MMP28: variants seen among roughly 807,000 people sequenced by gnomAD.
MMP28 encodes the protein matrix metalloproteinase-28.
MMP28 carries 55 observed loss-of-function variants against 60.5 expected under a neutral mutation model. The observed-to-expected ratio is 0.91, with a 90% CI of 0.73 to 1.14. The LOEUF (loss-of-function observed/expected upper bound fraction) is 1.14. Among genes scored for constraint, MMP28 ranks in the 50% most tolerant of loss-of-function variants. The pLI, the probability that MMP28 is intolerant of heterozygous loss-of-function variation, is 0.00. For synonymous variants in MMP28, 318 were observed against 312.5 expected (o/e 1.02, Z -0.18); for missense variants, 686 against 738.3 (o/e 0.93, Z 0.82).
chr17:35,766,768 A>G lies in MMP28; in HGVS notation c.1295T>C (p.Leu432Pro). 6.3e-7 allele frequency: 1 copy of G among 1,579,656 alleles called. No individual in the cohort carries two copies. The highest frequency in any genetic ancestry group is 1.7e-4 in the Middle Eastern group (1 of 5,950). The change falls in exon 8 of 8, where the codon CTC (leucine) becomes CCC (proline). Residue 432 changes from leucine (L) to proline (P), a missense_variant. Physicochemically the swap from Leu to Pro is moderately conservative, Grantham distance 98. Transcript: ENST00000605424. This position sits in a 1 kb window ranked among gnomAD's most constrained non-coding sequence, Gnocchi z 4.3. ...CACGTAGTAGCGGGCACCCTTGAAG[A>G]GGATGAGGCGGCGCAGAGGAGGGAA... ...LFFPPLRRLI[L>P]FKGARYYVLA...
intron 4 of MMP28, among the ~76,000 whole-genome samples, chr17:35,772,440 G>A (rs1263034312): frequency 6.6e-6 from 1 of 152,218 alleles, no homozygotes; most frequent in African/African-American, 2.4e-5. Flanking sequence ...GGTCTCAGCA[G>A]TAGGGCCTGG....
intron 1 of MMP28, among the ~76,000 whole-genome samples, chr17:35,781,703 C>G (rs1555609421): frequency 2.6e-5 from 4 of 152,132 alleles, no homozygotes; most frequent in Non-Finnish European, 4.4e-5. Flanking sequence ...AGAATGTTGC[C>G]TCAGCTGCAT....
In MMP28 at chr17:35,773,361, GT is replaced by G. The variant is rs2086227013; in HGVS notation, c.422del (p.Asn141ThrfsTer86). 1.9e-6 allele frequency: 3 copies of G among 1,611,054 alleles called. No individual in the cohort carries two copies. Among genetic ancestry groups the G allele is most frequent in the Non-Finnish European group, 2.5e-6 (3 of 1,178,690 alleles). On this transcript the variant is annotated frameshift_variant, in exon 4 of 8. Transcript: ENST00000605424. LOFTEE classifies it high-confidence loss of function. ...YKQHLSYRLV[N>X]WPEHLPEPAV... is the part of the protein sequence containing the mutation. ...CCGGCTCCGGCAGATGCTCAGGCCAGTTCACCAGGCGGTAGGAGAGGTGCTG... is the reference window on the plus strand; with the variant it reads ...CCGGCTCCGGCAGATGCTCAGGCCAGTCACCAGGCGGTAGGAGAGGTGCTG...
chr17:35,767,812 G>A lies in MMP28; in HGVS notation c.1108C>T (p.Pro370Ser), dbSNP rs1555604039. Reference protein sequence around the residue: ...RPLQERWVGLPPNIEAAAVSL... With the variant: ...RPLQERWVGLSPNIEAAAVSL... ...ACTGCCGCAGCCTCAATGTTGGGGG[G>A]CAGCCCGACCCATCTTTCCTGCAGT... The change falls in exon 7 of 8, where the codon CCC becomes TCC. Residue 370 changes from proline (P) to serine (S), a missense_variant. Physicochemically the swap from Pro to Ser is moderately conservative, Grantham distance 74. Coordinates refer to ENST00000605424, the MANE Select transcript of MMP28 (RefSeq NM_024302.5). 4 of 1,605,490 alleles carry A rather than the reference G, an allele frequency of 2.5e-6. No homozygotes were observed. Among genetic ancestry groups the A allele is most frequent in the Non-Finnish European group, 3.4e-6 (4 of 1,176,182 alleles).
chr17:35,786,562 T>C (rs1555610525), intron 1 of MMP28, among the ~76,000 whole-genome samples: 1 of 152,112 alleles, frequency 6.6e-6, no homozygotes, highest in Non-Finnish European at 1.5e-5. Context: ...TTTGGCATTA[T>C]TAGCCAAGTC....
chr17:35,769,951 G>T, intron 5 of MMP28, 116 bp downstream of exon 5: 1 of 1,339,276 alleles, frequency 7.5e-7, no homozygotes. Flanking sequence ...CGGCGACAGG[G>T]AGGCCAGATC....
chr17:35,792,513 G>T (rs2086842951), intron 1 of MMP28, among the ~76,000 whole-genome samples: 1 of 152,194 alleles, frequency 6.6e-6, no homozygotes, highest in Non-Finnish European at 1.5e-5. Flanking sequence ...GCACTGATGT[G>T]CCCTATTTGA....
intron 1 of MMP28, among the ~76,000 whole-genome samples, chr17:35,793,931 TTACTA>T (rs1290947787): frequency 6.6e-6 from 1 of 152,070 alleles, no homozygotes; most frequent in African/African-American, 2.4e-5. Flanking sequence ...AACCCCGTCT[TTACTA>T]AAAATACAAA....
intron 2 of MMP28, chr17:35,760,844 A>ATCTCTAT (rs1249947710): frequency 8.3e-6 from 12 of 1,450,936 alleles, no homozygotes; most frequent in Admixed American, 1.8e-5. Flanking sequence ...TTGTGACCTA[A>ATCTCTAT]TAGAGGCCCT....
At chr17:35,787,320 A>G (rs1304513018) in intron 1 of MMP28, among the ~76,000 whole-genome samples, 1 of 152,222 alleles carries the variant, frequency 6.6e-6, no homozygotes, top group Non-Finnish European at 1.5e-5. Flanking sequence ...AACATCTGCT[A>G]CCAGAATGCT....
intron 2 of MMP28, among the ~76,000 whole-genome samples, chr17:35,760,032 G>A (rs2085789131): frequency 6.6e-6 from 1 of 152,132 alleles, no homozygotes; most frequent in Non-Finnish European, 1.5e-5. Context: ...TGGGGGCCAG[G>A]TCTGCTCTCT....
intron 1 of MMP28, among the ~76,000 whole-genome samples, chr17:35,790,930 A>C (rs909199540): frequency 6.7e-6 from 1 of 149,724 alleles, no homozygotes; most frequent in African/African-American, 2.5e-5. Context: ...GGGTCTCTCT[A>C]TGTTGCCCAG....
At chr17:35,762,981 G>A (rs1179303650), downstream of MMP28, among the ~76,000 whole-genome samples, 2 of 152,064 alleles carry the variant, frequency 1.3e-5, no homozygotes, top group African/African-American at 4.8e-5. Context: ...AATTAGCTGG[G>A]CGTGGTGGCG....
At chr17:35,787,301 G>A (rs1341946239) in intron 1 of MMP28, among the ~76,000 whole-genome samples, 3 of 152,184 alleles carry the variant, frequency 2.0e-5, no homozygotes, top group South Asian at 2.1e-4. Flanking sequence ...ATGTTCCTGC[G>A]TAAAGATAAA....
At chr17:35,761,025 C>T, downstream of MMP28, 1 of 1,518,616 alleles carries the variant, frequency 6.6e-7, no homozygotes, top group Non-Finnish European at 8.9e-7. Context: ...CAATCCAGCC[C>T]ATCACCATGA....
At chr17:35,757,802 G>T (rs74910709) in intron 2 of MMP28, among the ~76,000 whole-genome samples, 3,257 of 152,098 alleles carry the variant, frequency 0.021, 74 homozygotes, top group East Asian at 0.13. Flanking sequence ...AGAGATGGGG[G>T]TCTTGCTATG....
intron 1 of MMP28, among the ~76,000 whole-genome samples, chr17:35,787,457 CTTCT>C (rs1402734152): frequency 3.3e-5 from 5 of 151,870 alleles, no homozygotes; most frequent in African/African-American, 4.8e-5. Flanking sequence ...TCTTTTTCTC[CTTCT>C]TTCTTTTGTC....
rs760538429 is a variant in MMP28 at position 35,766,519 on chromosome 17, G to A, written c.1544C>T (p.Ser515Leu). The A allele has an allele frequency of 1.8e-5, 29 of 1,596,272 alleles. 1 individual carries two copies. In the Admixed American group the frequency reaches 1.8e-4, roughly 10 times the overall value. ...GTGCCTTCAGAACAGGGCGCTCCCC[G>A]AGTTGGCATGCCAGCAGCCCATCCA... The part of the protein sequence containing the change: ...LPWMGCWHAN[S>L]GSALF Residue 515 changes from serine (S) to leucine (L), a missense_variant, in exon 8 of 8, where the codon TCG becomes TTG. By Grantham distance (145) the Ser-to-Leu change is moderately radical. Transcript: ENST00000605424. The surrounding 1 kb of genome is among the most constrained non-coding windows in gnomAD (Gnocchi z 4.3).
In MMP28 at chr17:35,767,938, G is replaced by C. The variant is rs954362104; in HGVS notation, c.1001-19C>G. On this transcript the variant is annotated intron_variant, in intron 6 of 7. Transcript: ENST00000605424. ...TGCCTGTCTGCCCAGAGACAAGAGA[G>C]AGTTGAGGAGTGACCATCAGCTTCC... 5 of 1,545,842 alleles carry C rather than the reference G, an allele frequency of 3.2e-6. No homozygotes were observed. In the African/African-American group the frequency reaches 4.1e-5, roughly 13 times the overall value.
Sources: gnomAD v4.1 joint callset for allele counts (sites outside exome capture counted in the v4.1 genomes callset) on GRCh38, gnomAD v4.1.1 for gene constraint, Gnocchi (gnomAD v3.1) non-coding constraint, MANE v1.5 for transcripts, NCBI Gene and HGNC (gene_info 2026-07-23, HGNC 2026-07-21) for gene names.